The following SLC9B1 variants were observed in gnomAD, a reference collection of about 807,000 sequenced individuals.
The protein encoded by SLC9B1 is solute carrier family 9 member B1.
A neutral mutation model predicts 51.7 loss-of-function variants in SLC9B1; 32 were observed. The observed-to-expected ratio is 0.62, with a 90% CI of 0.47 to 0.83. SLC9B1 has a LOEUF of 0.83. Ranked by LOEUF, SLC9B1 falls within the 40% of genes least tolerant of loss-of-function variation. SLC9B1 has a pLI of 0.00. For missense variants in SLC9B1, 406 were observed against 613.2 expected (o/e 0.66, Z 3.57); for synonymous variants, 145 against 212.7 (o/e 0.68, Z 2.77).
At chr4:102,908,703 C>G (rs1280418525) in intron 9 of SLC9B1, among the ~76,000 whole-genome samples, 1 of 152,298 alleles carries the variant, frequency 6.6e-6, no homozygotes, top group African/African-American at 2.4e-5. Context: ...GATGCAGAAT[C>G]CAAAACCAAA....
chr4:102,928,074 C>CG (rs1736276289), intron 7 of SLC9B1, among the ~76,000 whole-genome samples: 1 of 107,124 alleles, frequency 9.3e-6, no homozygotes, highest in Non-Finnish European at 1.9e-5. Context: ...TGGGGCCTGT[C>CG]GGGGGGTGGA....
chr4:102,887,774 A>G (rs908381236), intron 11 of SLC9B1: 8 of 169,906 alleles, frequency 4.7e-5, no homozygotes, highest in Non-Finnish European at 6.3e-5. Flanking sequence ...ATTGTTAAAT[A>G]TGTTATTTTT....
intron 7 of SLC9B1, among the ~76,000 whole-genome samples, chr4:102,914,491 C>T (rs1325085168): frequency 6.6e-6 from 1 of 151,940 alleles, no homozygotes; most frequent in African/African-American, 2.4e-5. Flanking sequence ...AACTGAATAC[C>T]TTCCCAAAAT....
chr4:102,916,578 AATTGGACCT>A (rs1208387595), intron 7 of SLC9B1, among the ~76,000 whole-genome samples: 1 of 152,230 alleles, frequency 6.6e-6, no homozygotes, highest in Non-Finnish European at 1.5e-5. Flanking sequence ...ACTGTAGACC[AATTGGACCT>A]ATCTGACATA....
intron 4 of SLC9B1, among the ~76,000 whole-genome samples, chr4:102,947,154 T>G (rs1033479260): frequency 6.6e-6 from 1 of 152,098 alleles, no homozygotes; most frequent in Non-Finnish European, 1.5e-5. Flanking sequence ...AGGGTCTTGG[T>G]GAATTAGTTT....
chr4:102,990,893 T>C lies in SLC9B1; in HGVS notation c.69+750A>G, dbSNP rs889667917. ...TAAGATCAAAGTTCTTCAAATCTGA[T>C]CATAATTAACCTATTGGAGTTCTGG... On this transcript the variant is annotated intron_variant, in intron 2 of 11. Transcript: ENST00000296422. Among the ~76,000 whole-genome samples, 6 of 152,280 alleles carry C rather than the reference T, an allele frequency of 3.9e-5. No individual in the cohort carries two copies. The East Asian group carries it at 1.2e-3, about 29-fold the overall frequency.
At chr4:102,988,697 C>T (rs1327255160) in intron 3 of SLC9B1, among the ~76,000 whole-genome samples, 1 of 152,034 alleles carries the variant, frequency 6.6e-6, no homozygotes, top group African/African-American at 2.4e-5. Context: ...CAAGAATATG[C>T]ACCCCTAAAT....
intron 6 of SLC9B1, among the ~76,000 whole-genome samples, chr4:102,935,943 G>A (rs1480754198): frequency 6.6e-6 from 1 of 152,154 alleles, no homozygotes; most frequent in Non-Finnish European, 1.5e-5. Flanking sequence ...TACCTGCTGT[G>A]TGCTGCTGCT....
rs1201504434 is a variant in SLC9B1 at position 102,992,161 on chromosome 4, C to T, written c.-1-449G>A. On this transcript the variant is annotated intron_variant, in intron 1 of 11. Transcript: ENST00000296422. Reference sequence around the variant, plus strand: ...TACATCTATAAGTTACTGATACATACTATCTTTTTATGTGGCCCATTTGAA... The same window carrying T: ...TACATCTATAAGTTACTGATACATATTATCTTTTTATGTGGCCCATTTGAA... Among the ~76,000 whole-genome samples, 4 of 152,230 alleles carry T rather than the reference C, an allele frequency of 2.6e-5. No individual in the cohort carries two copies. The East Asian group carries it at 5.8e-4, about 22-fold the overall frequency.
chr4:102,923,552 G>T (rs1735994373), intron 7 of SLC9B1, among the ~76,000 whole-genome samples: 1 of 152,194 alleles, frequency 6.6e-6, no homozygotes, highest in Admixed American at 6.5e-5. Flanking sequence ...AGTCTTGGAA[G>T]TTCTGGCCAG....
intron 1 of SLC9B1, among the ~76,000 whole-genome samples, chr4:103,018,082 C>G (rs765865893): frequency 2.0e-5 from 3 of 152,154 alleles, no homozygotes; most frequent in Non-Finnish European, 2.9e-5. Context: ...GTTCCAGGTA[C>G]TATTCAATCT....
intron 3 of SLC9B1, among the ~76,000 whole-genome samples, chr4:102,955,780 A>C (rs991577746): frequency 2.0e-5 from 3 of 151,772 alleles, no homozygotes; most frequent in Admixed American, 6.6e-5. Context: ...CTCAAAGTAA[A>C]ATTAAAAAAG....
chr4:103,008,900 A>G (rs555632171), intron 1 of SLC9B1, among the ~76,000 whole-genome samples: 34 of 150,928 alleles, frequency 2.3e-4, no homozygotes, highest in African/African-American at 8.1e-4. Context: ...CCCGGGTTCA[A>G]GCGATTCTCC....
intron 3 of SLC9B1, among the ~76,000 whole-genome samples, chr4:102,979,593 G>A (rs941346802): frequency 4.6e-5 from 7 of 152,286 alleles, no homozygotes; most frequent in East Asian, 1.9e-4. Context: ...ATTTTTCCAA[G>A]GAGATCTTAC....
chr4:102,894,532 A>G (rs1301353634), intron 11 of SLC9B1, among the ~76,000 whole-genome samples: 1 of 152,186 alleles, frequency 6.6e-6, no homozygotes, highest in African/African-American at 2.4e-5. Flanking sequence ...TATTAGCAAT[A>G]AGCACCTTGA....
chr4:102,894,620 A>T (rs899448806), intron 11 of SLC9B1, among the ~76,000 whole-genome samples: 2 of 152,216 alleles, frequency 1.3e-5, no homozygotes, highest in Middle Eastern at 3.2e-3. Context: ...TAGAAGATCT[A>T]TAAGAAAAAA....
At chr4:102,993,439 A>G (rs1219059379) in intron 1 of SLC9B1, among the ~76,000 whole-genome samples, 2 of 152,210 alleles carry the variant, frequency 1.3e-5, no homozygotes, top group Non-Finnish European at 2.9e-5. Flanking sequence ...GTGGGCTCCC[A>G]TGGCCTTGGG....
downstream of SLC9B1, chr4:102,896,851 A>G: frequency 6.5e-6 from 1 of 152,814 alleles, no homozygotes. Flanking sequence ...TCTAAATGAC[A>G]GCAAAGTCTT....
At chr4:102,983,361 T>C (rs1739455919) in intron 3 of SLC9B1, among the ~76,000 whole-genome samples, 1 of 152,190 alleles carries the variant, frequency 6.6e-6, no homozygotes, top group African/African-American at 2.4e-5. Flanking sequence ...ATTGGTTCTA[T>C]AATGTTTTTG....
Sources: allele counts gnomAD v4.1 joint callset (sites outside exome capture counted in the v4.1 genomes callset), GRCh38; gene constraint gnomAD v4.1.1; transcripts MANE v1.5; gene names NCBI Gene and HGNC (gene_info 2026-07-23, HGNC 2026-07-21).